Variants in PINX1 observed in about 807,000 individuals in gnomAD.
PINX1 encodes the protein PIN2 (TERF1) interacting telomerase inhibitor 1, also known as PIN2/TERF1-interacting telomerase inhibitor 1.
A neutral mutation model predicts 25.4 loss-of-function variants in PINX1; 34 were observed. The ratio of observed to expected loss-of-function variants is 1.34; its 90% confidence interval spans 1.02 to 1.78. The LOEUF is 1.78. PINX1 is among the 40% of genes most tolerant of loss of function. The pLI is 0.00. For missense variants in PINX1, 592 were observed against 404.9 expected, an observed-to-expected ratio of 1.46 and a Z score of -3.97; for synonymous variants, 197 against 147.7, an observed-to-expected ratio of 1.33 and a Z score of -2.42.
chr8:10,836,470 G>A (rs1798409993), intron 1 of PINX1, among the ~76,000 whole-genome samples: 1 of 152,138 alleles, frequency 6.6e-6, no homozygotes. Flanking sequence ...GCTTGCCAGG[G>A]GTCTTTGACT....
chr8:10,767,472 A>C (rs1563198689), intron 6 of PINX1, among the ~76,000 whole-genome samples: 1 of 152,184 alleles, frequency 6.6e-6, no homozygotes, highest in Admixed American at 6.5e-5. Flanking sequence ...AGAATAAATC[A>C]ACTGAGTTTT....
chr8:10,811,367 T>A (rs1377292514), intron 6 of PINX1, among the ~76,000 whole-genome samples: 6 of 152,228 alleles, frequency 3.9e-5, no homozygotes, highest in African/African-American at 1.4e-4. Context: ...GATTTCCTCA[T>A]TCTACTGGCT....
chr8:10,789,926 T>G (rs1024809006), intron 6 of PINX1, among the ~76,000 whole-genome samples: 20 of 152,266 alleles, frequency 1.3e-4, no homozygotes, highest in Admixed American at 1.3e-3. Context: ...CTTTTATAAT[T>G]TAAAAATATT....
Position 10,820,247 on chromosome 8 carries a change from G to T in PINX1, c.417C>A (p.Ser139Arg). The change falls in exon 6 of 7, where the codon AGC becomes AGA. Residue 139 changes from serine to arginine, a missense_variant. By Grantham distance (110) the Ser-to-Arg change is moderately radical (BLOSUM62 -1). Coordinates refer to ENST00000314787, the MANE Select transcript of PINX1 (RefSeq NM_017884.6). ...CAAAAATGCAGTCAAGATCTGTTTTGCTCCGAGATGACAGATCCTTCCCTA... is the reference window on the plus strand; with the variant it reads ...CAAAAATGCAGTCAAGATCTGTTTTTCTCCGAGATGACAGATCCTTCCCTA... Reference protein sequence around the residue: ...FTKGKDLSSRSKTDLDCIFGK... With the variant: ...FTKGKDLSSRRKTDLDCIFGK... The T allele has an allele frequency of 6.2e-7, 1 of 1,611,992 alleles. No homozygotes were observed. The highest frequency in any genetic ancestry group is 1.1e-5 in the South Asian group (1 of 90,918).
intron 4 of PINX1, among the ~76,000 whole-genome samples, chr8:10,829,884 A>T (rs1352647585): frequency 6.6e-6 from 1 of 152,116 alleles, no homozygotes; most frequent in Non-Finnish European, 1.5e-5. Context: ...GGGTTTCTCC[A>T]TGTTGGTCAG....
intron 6 of PINX1, among the ~76,000 whole-genome samples, chr8:10,807,317 T>TCC (rs1184898113): frequency 2.1e-3 from 85 of 39,756 alleles, no homozygotes; most frequent in East Asian, 2.6e-3. Flanking sequence ...ATCAAGAAAA[T>TCC]CCCCCCCCCA....
intron 6 of PINX1, among the ~76,000 whole-genome samples, chr8:10,790,616 G>C (rs946177623): frequency 5.9e-5 from 9 of 152,096 alleles, no homozygotes; most frequent in African/African-American, 2.2e-4. Context: ...CCACCAAGCT[G>C]CCCCTTTCTC....
intron 6 of PINX1, among the ~76,000 whole-genome samples, chr8:10,809,169 G>T (rs1165434709): frequency 1.3e-5 from 2 of 152,196 alleles, no homozygotes; most frequent in Non-Finnish European, 2.9e-5. Flanking sequence ...GCCCTGTGGA[G>T]TGACCAAAAG....
chr8:10,806,588 C>T (rs1481935994), intron 6 of PINX1, among the ~76,000 whole-genome samples: 2 of 152,112 alleles, frequency 1.3e-5, no homozygotes, highest in Non-Finnish European at 2.9e-5. Context: ...AGTCTTTCTC[C>T]ACTCCTTTCC....
intron 6 of PINX1, among the ~76,000 whole-genome samples, chr8:10,816,983 C>T (rs1232705346): frequency 3.3e-5 from 5 of 152,152 alleles, no homozygotes; most frequent in Non-Finnish European, 5.9e-5. Context: ...CAGGGTTTGG[C>T]ACACAGGTGC....
At chr8:10,769,339 C>G (rs1801154748) in intron 6 of PINX1, among the ~76,000 whole-genome samples, 1 of 152,200 alleles carries the variant, frequency 6.6e-6, no homozygotes, top group Non-Finnish European at 1.5e-5. Context: ...ACAGTCCTCT[C>G]CCTTCCTTCA....
intron 6 of PINX1, among the ~76,000 whole-genome samples, chr8:10,792,010 C>T (rs956425668): frequency 2.6e-5 from 4 of 152,152 alleles, no homozygotes; most frequent in African/African-American, 9.7e-5. Flanking sequence ...TCCGTGCTGG[C>T]CAGGACCGCC....
intron 6 of PINX1, among the ~76,000 whole-genome samples, chr8:10,793,205 T>G (rs1801979005): frequency 6.6e-6 from 1 of 152,218 alleles, no homozygotes; most frequent in Admixed American, 6.5e-5. Context: ...TCCTAGTGTC[T>G]GCATCCTCTA....
At chr8:10,784,146 G>A (rs947555781) in intron 6 of PINX1, among the ~76,000 whole-genome samples, 4 of 152,216 alleles carry the variant, frequency 2.6e-5, no homozygotes, top group African/African-American at 9.6e-5. Context: ...TGAAAGTCAT[G>A]CTTCTGCCTG....
At chr8:10,783,566 T>C (rs999407457) in intron 6 of PINX1, among the ~76,000 whole-genome samples, 2 of 152,188 alleles carry the variant, frequency 1.3e-5, no homozygotes, top group Non-Finnish European at 1.5e-5. Context: ...CTGCATCACA[T>C]ATGCCCCCAG....
intron 6 of PINX1, among the ~76,000 whole-genome samples, chr8:10,800,674 TG>T (rs1427327662): frequency 6.6e-6 from 1 of 152,140 alleles, no homozygotes. Flanking sequence ...TTCACCACAT[TG>T]GCCAGGCTGG....
At chr8:10,798,005 A>G (rs1802142971) in intron 6 of PINX1, among the ~76,000 whole-genome samples, 1 of 152,240 alleles carries the variant, frequency 6.6e-6, no homozygotes, top group East Asian at 1.9e-4. Flanking sequence ...ATTCTTAAAG[A>G]AAATAATGAA....
chr8:10,773,778 C>A (rs747868625), intron 6 of PINX1, among the ~76,000 whole-genome samples: 5 of 152,324 alleles, frequency 3.3e-5, no homozygotes, highest in Non-Finnish European at 5.9e-5. Context: ...TAATCAACAT[C>A]AGGATCACTG....
chr8:10,809,822 C>T (rs750597920), intron 6 of PINX1, among the ~76,000 whole-genome samples: 2 of 152,224 alleles, frequency 1.3e-5, no homozygotes, highest in African/African-American at 2.4e-5. Context: ...TTTTATGAAT[C>T]TTCGAAGTTG....
Sources: gnomAD v4.1 joint callset for allele counts (sites outside exome capture counted in the v4.1 genomes callset) on GRCh38, gnomAD v4.1.1 for gene constraint, MANE v1.5 for transcripts, NCBI Gene and HGNC (gene_info 2026-07-23, HGNC 2026-07-21) for gene names.